DPY19L3: variants seen among roughly 807,000 people sequenced by gnomAD.
The protein encoded by DPY19L3 is protein C-mannosyl-transferase DPY19L3.
Under a neutral mutation model 92.3 loss-of-function variants are expected in DPY19L3, and 51 were observed. That is an observed-to-expected ratio of 0.55 (90% confidence interval 0.44 to 0.70). DPY19L3 has a LOEUF of 0.70. Ranked by LOEUF, DPY19L3 falls within the 30% of genes least tolerant of loss-of-function variation. The pLI is 0.00. For missense variants in DPY19L3, 706 were observed against 855.9 expected, an observed-to-expected ratio of 0.82 and a Z score of 2.18; for synonymous variants, 309 against 315.2, an observed-to-expected ratio of 0.98 and a Z score of 0.21.
intron 15 of DPY19L3, chr19:32,467,476 C>G (rs568021384): frequency 9.1e-6 from 9 of 987,492 alleles, no homozygotes; most frequent in Non-Finnish European, 1.1e-5. Context: ...AAAACTAGAA[C>G]CAGAAGTCCT....
rs1167750060 is a variant in DPY19L3, at chr19:32,484,136, G to A, written c.*1896G>A. ...GCAAACAGTGATTTTTTTTTTCATA[G>A]TTTAGGTGTCATTGTTGCCAGCACC... On this transcript the variant is annotated 3_prime_UTR_variant, in exon 19 of 19. Transcript: ENST00000392250. The A allele has an allele frequency of 6.6e-6, 1 of 151,598 alleles. No homozygotes were observed. Among genetic ancestry groups the A allele is most frequent in the African/African-American group, 2.4e-5 (1 of 41,132 alleles). 9.4% of individuals were successfully genotyped at this position (151,598 alleles called of 1,614,324 possible).
intron 3 of DPY19L3, among the ~76,000 whole-genome samples, chr19:32,424,393 G>C (rs1968686752): frequency 6.6e-6 from 1 of 151,570 alleles, no homozygotes; most frequent in Admixed American, 6.6e-5. Flanking sequence ...ATAACTGGAA[G>C]TCAGAAAGTT....
At chr19:32,409,546 A>G (rs1968104924) in intron 2 of DPY19L3, among the ~76,000 whole-genome samples, 1 of 152,208 alleles carries the variant, frequency 6.6e-6, no homozygotes, top group Admixed American at 6.5e-5. Flanking sequence ...TGTTGCTATA[A>G]AGGAATACTT....
chr19:32,415,757 T>G (rs1174208433), intron 3 of DPY19L3, among the ~76,000 whole-genome samples: 1 of 152,152 alleles, frequency 6.6e-6, no homozygotes, highest in Non-Finnish European at 1.5e-5. Context: ...TGCCAGACAC[T>G]TTTCTAGGCC....
chr19:32,410,173 A>G (rs540221840), intron 2 of DPY19L3, among the ~76,000 whole-genome samples: 4 of 152,328 alleles, frequency 2.6e-5, no homozygotes, highest in African/African-American at 7.2e-5. Flanking sequence ...TTTCTTTAAC[A>G]TTAATGAATT....
At chr19:32,428,821 G>GTTTTTTTTTTTTTTTTTTTT (rs144012951) in intron 3 of DPY19L3, among the ~76,000 whole-genome samples, 1 of 146,308 alleles carries the variant, frequency 6.8e-6, no homozygotes, top group Non-Finnish European at 1.5e-5. Flanking sequence ...TAGCTGTACA[G>GTTTTTTTTTTTTTTTTTTTT]TTTTTTTTTT....
At chr19:32,458,033 T>C (rs1388485271) in intron 10 of DPY19L3, 67 bp from the exon 11 acceptor site, 2 of 1,219,334 alleles carry the variant, frequency 1.6e-6, no homozygotes, top group Non-Finnish European at 2.4e-6. Context: ...GTAAATTCAA[T>C]GGGAAGTTAT....
intron 12 of DPY19L3, among the ~76,000 whole-genome samples, chr19:32,459,354 T>C (rs1969968656): frequency 6.6e-6 from 1 of 152,196 alleles, no homozygotes; most frequent in Admixed American, 6.5e-5. Context: ...AAGCCCTTTT[T>C]CTGTAGTTAC....
At chr19:32,430,752 G>C (rs1245403072) in intron 3 of DPY19L3, among the ~76,000 whole-genome samples, 1 of 150,440 alleles carries the variant, frequency 6.6e-6, no homozygotes, top group East Asian at 2.0e-4. Context: ...AACCTCCCCA[G>C]TTGCTGGGAG....
chr19:32,414,467 G>T (rs1266264069), intron 3 of DPY19L3, among the ~76,000 whole-genome samples: 1 of 150,614 alleles, frequency 6.6e-6, no homozygotes, highest in Non-Finnish European at 1.5e-5. Context: ...GGTGGCACAT[G>T]CCTGTATTTC....
chr19:32,464,595 A>T (rs575211613), intron 14 of DPY19L3, 133 bp from the exon 15 acceptor site: 8 of 515,656 alleles, frequency 1.6e-5, no homozygotes, highest in Non-Finnish European at 2.7e-5. Context: ...CTAGCTGCTC[A>T]GGAGGCTGAG....
chr19:32,426,971 T>C (rs1052998366), intron 3 of DPY19L3, among the ~76,000 whole-genome samples: 9 of 152,152 alleles, frequency 5.9e-5, no homozygotes, highest in Non-Finnish European at 1.3e-4. Context: ...GTTTACAATG[T>C]GTTCTTTCTT....
chr19:32,444,288 A>C (rs1969417853), intron 8 of DPY19L3, among the ~76,000 whole-genome samples: 1 of 152,196 alleles, frequency 6.6e-6, no homozygotes, highest in South Asian at 2.1e-4. Flanking sequence ...ATTTTAGAAC[A>C]GAAAAATTCC....
chr19:32,473,774 G>A (rs978541634), intron 16 of DPY19L3, among the ~76,000 whole-genome samples: 6 of 152,172 alleles, frequency 3.9e-5, no homozygotes, highest in African/African-American at 1.4e-4. Flanking sequence ...GTCCTCAGAA[G>A]TCAGTCATTT....
intron 3 of DPY19L3, among the ~76,000 whole-genome samples, chr19:32,428,718 C>T (rs775318443): frequency 2.6e-5 from 4 of 152,050 alleles, no homozygotes; most frequent in Non-Finnish European, 4.4e-5. Context: ...GTCTGAGTGC[C>T]TGTGGGGAAT....
chr19:32,464,722 A>ATG lies in DPY19L3; in HGVS notation c.1558-5_1558-4insGT, dbSNP rs780721373. 1 of 1,432,750 alleles carries ATG rather than the reference A, an allele frequency of 7.0e-7. No individual in the cohort carries two copies. Among genetic ancestry groups the ATG allele is most frequent in the South Asian group, 1.3e-5 (1 of 77,592 alleles). 88.8% of individuals were successfully genotyped at this position (1,432,750 alleles called of 1,614,324 possible). A position where few individuals can be genotyped will look rare whatever the true frequency, so the allele number is the denominator to read the frequency against. On this transcript the variant is annotated splice_polypyrimidine_tract_variant and splice_region_variant and intron_variant, in intron 14 of 18. Transcript: ENST00000392250. ...TTATAATCTAAATAATGTCTTTCTT[A>ATG]TATAGATATGTATAATGCGATATTC...
At chr19:32,462,006 A>G (rs532984966) in intron 12 of DPY19L3, among the ~76,000 whole-genome samples, 50 of 152,266 alleles carry the variant, frequency 3.3e-4, no homozygotes, top group African/African-American at 1.1e-3. Context: ...CACCCTTTCT[A>G]TACTATGTTT....
Position 32,480,492 on chromosome 19 carries a change from T to A in DPY19L3, c.1924T>A (p.Cys642Ser). ...CTACGTAATCCTGGAAGACAGCATC[T>A]GCTACGAGCGGAGGCACCGCCGGGG... ...TDYVILEDSI[C>S]YERRHRRGCR... The change falls in exon 18 of 19, where the codon TGC (cysteine) becomes AGC (serine). Residue 642 changes from cysteine (C) to serine (S), a missense_variant. Cys to Ser is a moderately radical substitution (Grantham distance 112). Coordinates refer to ENST00000392250, the MANE Select transcript of DPY19L3 (RefSeq NM_001172774.2). 1 of 1,614,188 alleles carries A rather than the reference T, an allele frequency of 6.2e-7. No individual in the cohort carries two copies. The highest frequency in any genetic ancestry group is 2.2e-5 in the East Asian group (1 of 44,880).
At chr19:32,414,926 T>C (rs1413084014) in intron 3 of DPY19L3, among the ~76,000 whole-genome samples, 1 of 152,248 alleles carries the variant, frequency 6.6e-6, no homozygotes, top group African/African-American at 2.4e-5. Context: ...TTTTACCTAG[T>C]ATTTACTGAG....
Sources: gnomAD v4.1 joint callset for allele counts (sites outside exome capture counted in the v4.1 genomes callset) on GRCh38, gnomAD v4.1.1 for gene constraint, MANE v1.5 for transcripts, NCBI Gene and HGNC (gene_info 2026-07-23, HGNC 2026-07-21) for gene names.